RPN2: variants seen among roughly 807,000 people sequenced by gnomAD.
RPN2 encodes the protein dolichyl-diphosphooligosaccharide--protein glycosyltransferase subunit 2.
Under a neutral mutation model 71.4 loss-of-function variants are expected in RPN2, and 29 were observed. That is an observed-to-expected ratio of 0.41 (90% CI 0.30 to 0.55). The LOEUF (loss-of-function observed/expected upper bound fraction) is 0.55. Among genes scored for constraint, RPN2 ranks in the 20% least tolerant of loss-of-function variants. The probability of loss-of-function intolerance (pLI) is 0.35; values close to 1 mark genes in which losing one functional copy is unlikely to be tolerated. For missense variants in RPN2, 726 were observed against 774.1 expected (o/e 0.94, Z 0.74); for synonymous variants, 308 against 305.0 (o/e 1.01, Z -0.10).
chr20:37,233,030 A>G (rs370469288), intron 14 of RPN2, among the ~76,000 whole-genome samples: 27 of 152,190 alleles, frequency 1.8e-4, no homozygotes, highest in African/African-American at 4.3e-4. Flanking sequence ...AGCCTGGGCA[A>G]CATAGCAAGA....
At chr20:37,187,666 G>A (rs1404979402) in intron 2 of RPN2, among the ~76,000 whole-genome samples, 3 of 151,380 alleles carry the variant, frequency 2.0e-5, no homozygotes, top group Non-Finnish European at 4.4e-5. Context: ...TTGAGACAGG[G>A]TCTCACTCTT....
At chr20:37,238,885 C>T in intron 16 of RPN2, 1 of 515,290 alleles carries the variant, frequency 1.9e-6, no homozygotes, top group South Asian at 1.4e-5. Context: ...ACACCGATCT[C>T]TAGTTGGGCT....
chr20:37,224,746 G>C (rs866730972), intron 10 of RPN2, among the ~76,000 whole-genome samples: 1 of 152,112 alleles, frequency 6.6e-6, no homozygotes, highest in Non-Finnish European at 1.5e-5. Flanking sequence ...CTCAACTAGG[G>C]TAGCTATAGA....
At chr20:37,198,193 C>G (rs942764017) in intron 2 of RPN2, among the ~76,000 whole-genome samples, 4 of 152,192 alleles carry the variant, frequency 2.6e-5, no homozygotes, top group Admixed American at 1.3e-4. Flanking sequence ...AGGACTCAAG[C>G]GCCTTCAGGC....
intron 15 of RPN2, among the ~76,000 whole-genome samples, 169 bp from the exon 16 acceptor site, chr20:37,236,411 C>T (rs11698957): frequency 5.3e-5 from 8 of 152,158 alleles, no homozygotes; most frequent in South Asian, 4.2e-4. Flanking sequence ...AGCTGAGAGG[C>T]GAATATATTG....
chr20:37,208,232 T>C (rs1276294145), intron 7 of RPN2, among the ~76,000 whole-genome samples: 2 of 148,172 alleles, frequency 1.3e-5, no homozygotes, highest in Non-Finnish European at 3.0e-5. Context: ...ACTGCACCAC[T>C]GCACTCCAAC....
At chr20:37,204,964 A>T in intron 6 of RPN2, 63 bp downstream of exon 6, 1 of 1,610,748 alleles carries the variant, frequency 6.2e-7, no homozygotes, top group Non-Finnish European at 8.5e-7. Context: ...TCTGCTAAGG[A>T]TGGCTTTTAT....
chr20:37,180,830 G>C (rs1178260600), intron 1 of RPN2, among the ~76,000 whole-genome samples: 2 of 152,140 alleles, frequency 1.3e-5, no homozygotes, highest in Admixed American at 6.5e-5. Flanking sequence ...GGTGTCCCCT[G>C]CTCTGTCCTT....
Position 37,213,824 on chromosome 20 carries a change from G to A in RPN2, c.1051G>A (p.Glu351Lys), listed in dbSNP as rs114711297. 150 of 1,614,062 alleles carry A rather than the reference G, an allele frequency of 9.3e-5. No individual in the cohort carries two copies. The African/African-American group carries it at 1.8e-3, about 19-fold the overall frequency. The change falls in exon 9 of 17, where the codon GAA (glutamate) becomes AAA (lysine). Residue 351 changes from glutamate to lysine, a missense_variant. Transcript: ENST00000237530. Reference sequence around the variant, plus strand: ...CAGTGGTTATTATGACTTCCTTGTCGAAGTTGAAGGTGACAACCGGTATAT... The same window carrying A: ...CAGTGGTTATTATGACTTCCTTGTCAAAGTTGAAGGTGACAACCGGTATAT... ...FSSGYYDFLV[E>K]VEGDNRYIAN... is the part of the protein sequence containing the mutation.
intron 4 of RPN2, among the ~76,000 whole-genome samples, chr20:37,200,081 G>A (rs1181254554): frequency 6.6e-6 from 1 of 151,618 alleles, no homozygotes; most frequent in Non-Finnish European, 1.5e-5. Flanking sequence ...TGCAACCTCC[G>A]CCTCCCGGGT....
chr20:37,233,708 T>G (rs913856102), intron 14 of RPN2, among the ~76,000 whole-genome samples: 1 of 152,224 alleles, frequency 6.6e-6, no homozygotes, highest in Non-Finnish European at 1.5e-5. Flanking sequence ...AAATGCAGTT[T>G]CTGACCTTTC....
At chr20:37,188,164 TTTTG>T (rs754210885) in intron 2 of RPN2, among the ~76,000 whole-genome samples, 6 of 152,120 alleles carry the variant, frequency 3.9e-5, no homozygotes, top group Non-Finnish European at 8.8e-5. Flanking sequence ...TTGTCATACT[TTTTG>T]TTTGTTTGTT....
rs916239118 is a variant in RPN2 at position 37,208,555 on chromosome 20, C to CA, written c.867+1108dup. Among the ~76,000 whole-genome samples, 50 of 152,250 alleles carry CA rather than the reference C, an allele frequency of 3.3e-4. 1 individual carries two copies. Among genetic ancestry groups the CA allele is most frequent in the African/African-American group, 1.2e-3 (49 of 41,544 alleles). Reference sequence around the variant, plus strand: ...ATTTTACGACAGCTGTTTTAATTCTCAATTAATTCTGGTGTTTATGGTTGA... The same window carrying CA: ...ATTTTACGACAGCTGTTTTAATTCTCAAATTAATTCTGGTGTTTATGGTTGA... On this transcript the variant is annotated intron_variant, in intron 7 of 16. Coordinates refer to ENST00000237530, the MANE Select transcript of RPN2 (RefSeq NM_002951.5).
chr20:37,239,859 A>G (rs1192783467), intron 16 of RPN2, among the ~76,000 whole-genome samples: 3 of 152,224 alleles, frequency 2.0e-5, no homozygotes, highest in South Asian at 4.2e-4. Context: ...GCTTTCAGCA[A>G]CTGTCCTTGC....
At chr20:37,181,420 G>GC in intron 1 of RPN2, among the ~76,000 whole-genome samples, 1 of 146,854 alleles carries the variant, frequency 6.8e-6, no homozygotes, top group African/African-American at 2.5e-5. Context: ...TTTGCATTTG[G>GC]TTTTTCTTTT....
chr20:37,188,376 A>G (rs1489657223), intron 2 of RPN2, among the ~76,000 whole-genome samples: 1 of 151,782 alleles, frequency 6.6e-6, no homozygotes, highest in Non-Finnish European at 1.5e-5. Flanking sequence ...GATAGTCTCC[A>G]TCTCCTGACC....
At chr20:37,236,285 G>T (rs2068388416) in intron 15 of RPN2, among the ~76,000 whole-genome samples, 1 of 151,984 alleles carries the variant, frequency 6.6e-6, no homozygotes, top group Non-Finnish European at 1.5e-5. Context: ...TAGACACGAG[G>T]TCTCACTGTG....
At chr20:37,195,096 G>C (rs921169238) in intron 2 of RPN2, among the ~76,000 whole-genome samples, 2 of 152,116 alleles carry the variant, frequency 1.3e-5, no homozygotes, top group Non-Finnish European at 2.9e-5. Context: ...CAGATCGGGG[G>C]TGGACATTTA....
chr20:37,235,500 G>A (rs549543190), intron 15 of RPN2, among the ~76,000 whole-genome samples: 16 of 152,232 alleles, frequency 1.1e-4, no homozygotes, highest in South Asian at 4.1e-4. Context: ...AGGGCTCTCC[G>A]TTCCCAGCTC....
Sources: gnomAD v4.1 joint callset for allele counts (sites outside exome capture counted in the v4.1 genomes callset) on GRCh38, gnomAD v4.1.1 for gene constraint, MANE v1.5 for transcripts, NCBI Gene and HGNC (gene_info 2026-07-23, HGNC 2026-07-21) for gene names.